Variants in RNGTT observed in about 807,000 individuals in gnomAD.
The protein encoded by RNGTT is mRNA-capping enzyme.
A neutral mutation model predicts 79.3 loss-of-function variants in RNGTT; 33 were observed. The ratio of observed to expected loss-of-function variants is 0.42; its 90% CI spans 0.32 to 0.56. The LOEUF is 0.56. RNGTT is among the 20% of genes least tolerant of loss of function. RNGTT has a pLI of 0.17. For missense variants in RNGTT, 497 were observed against 739.1 expected (o/e 0.67, Z 3.80); for synonymous variants, 222 against 235.9 (o/e 0.94, Z 0.54).
At chr6:88,882,278 T>C (rs1782715438) in intron 8 of RNGTT, among the ~76,000 whole-genome samples, 1 of 152,240 alleles carries the variant, frequency 6.6e-6, no homozygotes, top group South Asian at 2.1e-4. Context: ...TTTATCTGGC[T>C]ATGAGATATG....
intron 1 of RNGTT, among the ~76,000 whole-genome samples, chr6:88,944,047 T>C (rs150866252): frequency 2.4e-3 from 371 of 152,312 alleles, no homozygotes; most frequent in African/African-American, 8.4e-3. Flanking sequence ...TTATGATAAA[T>C]ATTTTACATC....
At chr6:88,901,234 A>G (rs1302229715) in intron 6 of RNGTT, among the ~76,000 whole-genome samples, 1 of 152,096 alleles carries the variant, frequency 6.6e-6, no homozygotes, top group African/African-American at 2.4e-5. Context: ...AACAATACTT[A>G]AAAAGATAAC....
chr6:88,891,411 T>C (rs919113631), intron 7 of RNGTT, among the ~76,000 whole-genome samples: 2 of 152,120 alleles, frequency 1.3e-5, no homozygotes, highest in Non-Finnish European at 1.5e-5. Context: ...TTTCAAGTCA[T>C]GGCATTCACT....
At chr6:88,735,432 C>T (rs1415389036) in intron 13 of RNGTT, among the ~76,000 whole-genome samples, 1 of 151,796 alleles carries the variant, frequency 6.6e-6, no homozygotes. Flanking sequence ...TTCTGGGCCA[C>T]AAAATACACC....
intron 2 of RNGTT, among the ~76,000 whole-genome samples, chr6:88,929,908 GCATATATACA>G (rs1784437254): frequency 7.1e-6 from 1 of 140,306 alleles, no homozygotes; most frequent in Non-Finnish European, 1.5e-5. Flanking sequence ...GTATACATAT[GCATATATACA>G]CGTATATACA....
chr6:88,887,038 C>T (rs1198894589), intron 8 of RNGTT, among the ~76,000 whole-genome samples: 2 of 103,966 alleles, frequency 1.9e-5, no homozygotes, highest in Non-Finnish European at 3.8e-5. Context: ...TAGCAAAACA[C>T]AATTTCTTTA....
chr6:88,782,418 A>G (rs1487032696), intron 12 of RNGTT, among the ~76,000 whole-genome samples: 1 of 152,100 alleles, frequency 6.6e-6, no homozygotes, highest in East Asian at 1.9e-4. Flanking sequence ...TGGATTAAAC[A>G]TTTAAACACA....
In RNGTT at chr6:88,646,496, T is replaced by C. The variant is rs1297391954; in HGVS notation, c.1506+31857A>G. On this transcript the variant is annotated intron_variant, in intron 14 of 15. Transcript: ENST00000369485. ...GACCCAGCCATCCCATTACTGGGTA[T>C]ATACCCAAAGGAATATAAATCATGC... is the stretch of plus-strand genomic sequence containing the variant. 2.0e-5 allele frequency among the ~76,000 whole-genome samples: 3 copies of C among 152,230 alleles called. No homozygotes were observed. The East Asian group carries it at 5.8e-4, about 29-fold the overall frequency.
At chr6:88,869,002 C>A (rs965275494) in intron 8 of RNGTT, among the ~76,000 whole-genome samples, 4 of 152,102 alleles carry the variant, frequency 2.6e-5, no homozygotes, top group African/African-American at 9.7e-5. Context: ...CTATAAAGAT[C>A]ACCCATTATT....
intron 12 of RNGTT, among the ~76,000 whole-genome samples, chr6:88,771,684 A>T (rs1197964955): frequency 6.6e-6 from 1 of 152,108 alleles, no homozygotes; most frequent in East Asian, 1.9e-4. Context: ...TAAACACTGT[A>T]AATCTCTCCA....
At chr6:88,905,632 C>T (rs890562436) in intron 5 of RNGTT, among the ~76,000 whole-genome samples, 5 of 152,192 alleles carry the variant, frequency 3.3e-5, no homozygotes, top group Non-Finnish European at 5.9e-5. Flanking sequence ...GTACTAAAGT[C>T]GTAATCTCTC....
intron 14 of RNGTT, among the ~76,000 whole-genome samples, chr6:88,660,619 A>G (rs1774147547): frequency 6.6e-6 from 1 of 152,162 alleles, no homozygotes; most frequent in African/African-American, 2.4e-5. Flanking sequence ...GGAAAATATC[A>G]CAATCCTAAA....
At chr6:88,898,925 A>G (rs1431229347) in intron 6 of RNGTT, among the ~76,000 whole-genome samples, 1 of 151,400 alleles carries the variant, frequency 6.6e-6, no homozygotes, top group Non-Finnish European at 1.5e-5. Flanking sequence ...AAATAAGTAA[A>G]TAGGGAAAAA....
chr6:88,920,751 T>A (rs996856499), intron 4 of RNGTT, among the ~76,000 whole-genome samples: 1 of 152,210 alleles, frequency 6.6e-6, no homozygotes, highest in Non-Finnish European at 1.5e-5. Context: ...AGATTCATAC[T>A]CCAGGTTTAG....
intron 13 of RNGTT, among the ~76,000 whole-genome samples, chr6:88,712,316 G>A (rs1050528064): frequency 2.0e-5 from 3 of 152,138 alleles, no homozygotes; most frequent in African/African-American, 2.4e-5. Context: ...AGGTTGTGTT[G>A]TTTTTTAAAA....
chr6:88,695,793 A>G (rs1562199971), intron 13 of RNGTT, among the ~76,000 whole-genome samples: 1 of 152,246 alleles, frequency 6.6e-6, no homozygotes, highest in Non-Finnish European at 1.5e-5. Context: ...TGTGGTATAC[A>G]TAAACAAATG....
At chr6:88,796,287 G>T (rs1779600787) in intron 12 of RNGTT, among the ~76,000 whole-genome samples, 1 of 152,020 alleles carries the variant, frequency 6.6e-6, no homozygotes, top group Non-Finnish European at 1.5e-5. Flanking sequence ...TGTGTTACAT[G>T]TTATATTTCT....
In RNGTT at chr6:88,921,758, T is replaced by C. The variant is rs2127950476; in HGVS notation, c.367+7227A>G. ...TTTTTGGAGTAAATTGGCCTTCCTA[T>C]ATCTGTATTAAAAATATTTGGGAAA... On this transcript the variant is annotated intron_variant, in intron 4 of 15. Transcript: ENST00000369485. Among the ~76,000 whole-genome samples the C allele has an allele frequency of 2.0e-5, 3 of 152,170 alleles. No individual in the cohort carries two copies. In the South Asian group the frequency reaches 6.2e-4, roughly 32 times the overall value.
chr6:88,841,736 G>A (rs1781299706), intron 11 of RNGTT, among the ~76,000 whole-genome samples: 1 of 152,132 alleles, frequency 6.6e-6, no homozygotes, highest in African/African-American at 2.4e-5. Flanking sequence ...AATATAAAAA[G>A]AGCAAATGCC....
Sources: allele counts gnomAD v4.1 joint callset (sites outside exome capture counted in the v4.1 genomes callset), GRCh38; gene constraint gnomAD v4.1.1; transcripts MANE v1.5; gene names NCBI Gene and HGNC (gene_info 2026-07-23, HGNC 2026-07-21).